MAPK10: variants seen among roughly 807,000 people sequenced by gnomAD.
MAPK10 encodes JNK3 alpha protein kinase.
MAPK10 carries 25 observed loss-of-function variants against 59.3 expected under a neutral mutation model. That is an observed-to-expected ratio of 0.42 (90% CI 0.31 to 0.59). MAPK10 has a LOEUF of 0.59. Among genes scored for constraint, MAPK10 ranks in the 20% least tolerant of loss-of-function variants. MAPK10 has a pLI of 0.15. For missense variants in MAPK10, 351 were observed against 568.9 expected, an observed-to-expected ratio of 0.62 and a Z score of 3.90; for synonymous variants, 190 against 200.5, an observed-to-expected ratio of 0.95 and a Z score of 0.44.
intron 13 of MAPK10, chr4:86,026,580 A>G (rs1211423001): frequency 6.6e-6 from 1 of 152,218 alleles, no homozygotes; most frequent in Non-Finnish European, 1.5e-5. Flanking sequence ...AAAGCATCGC[A>G]TAACATGGGT....
At chr4:86,545,593 T>C (rs1759085618) in intron 1 of MAPK10, among the ~76,000 whole-genome samples, 2 of 152,120 alleles carry the variant, frequency 1.3e-5, no homozygotes, top group Non-Finnish European at 2.9e-5. Context: ...ACAATATACA[T>C]GTGTATTGTA....
intron 1 of MAPK10, among the ~76,000 whole-genome samples, chr4:86,477,984 A>G (rs752698938): frequency 7.2e-5 from 11 of 152,174 alleles, no homozygotes; most frequent in Non-Finnish European, 1.2e-4. Context: ...ACTTCAGTCA[A>G]GCCCAAATTT....
At chr4:86,362,910 C>A (rs1737240528), upstream of MAPK10, among the ~76,000 whole-genome samples, 1 of 152,046 alleles carries the variant, frequency 6.6e-6, no homozygotes, top group East Asian at 1.9e-4. Flanking sequence ...AACCTACACC[C>A]AAAGTATGGC....
chr4:86,321,703 T>G (rs2095897156), intron 2 of MAPK10: 1 of 151,790 alleles, frequency 6.6e-6, no homozygotes, highest in African/African-American at 2.4e-5. Context: ...ACCTGCACAT[T>G]GTGCACATGT....
intron 1 of MAPK10, among the ~76,000 whole-genome samples, chr4:86,384,590 G>A (rs950515243): frequency 1.3e-5 from 2 of 152,146 alleles, no homozygotes; most frequent in African/African-American, 4.8e-5. Context: ...TGGAGGCAAG[G>A]ACACAAATTA....
intron 1 of MAPK10, among the ~76,000 whole-genome samples, chr4:86,522,350 G>T (rs1757171675): frequency 6.6e-6 from 1 of 152,194 alleles, no homozygotes; most frequent in African/African-American, 2.4e-5. Flanking sequence ...GTATAAGCTT[G>T]TTAAATGAAT....
intron 1 of MAPK10, among the ~76,000 whole-genome samples, chr4:86,502,083 G>A (rs1755371970): frequency 6.6e-6 from 1 of 152,020 alleles, no homozygotes; most frequent in Non-Finnish European, 1.5e-5. Flanking sequence ...ACCAGTTCAA[G>A]TATAAAGTCA....
rs141049478 is a variant in MAPK10 at position 86,412,509 on chromosome 4, C to T, written c.-122+40521G>A. Among the ~76,000 whole-genome samples the T allele has an allele frequency of 9.8e-3, 1,493 of 152,254 alleles. 18 individuals are homozygous for T. Among genetic ancestry groups the T allele is most frequent in the African/African-American group, 0.034 (1,413 of 41,544 alleles). On this transcript the variant is annotated intron_variant, in intron 1 of 13. Coordinates refer to the MAPK10 transcript ENST00000361569. ...CTGAAGAGTGTTTTCTAACTTGGTT[C>T]CATTCTCCCTGTCACTTTCTGGTAC...
At chr4:86,420,444 G>A (rs946724058) in intron 1 of MAPK10, among the ~76,000 whole-genome samples, 11 of 152,110 alleles carry the variant, frequency 7.2e-5, no homozygotes, top group Admixed American at 5.9e-4. Context: ...AAGGAATAAC[G>A]GTAACCCAAT....
intron 2 of MAPK10, chr4:86,277,138 T>C (rs1325692570): frequency 7.4e-6 from 1 of 134,310 alleles, no homozygotes; most frequent in Admixed American, 7.3e-5. Context: ...TGTGACCATC[T>C]TTTTTTTTTT....
chr4:86,167,830 C>T (rs1008998963), intron 3 of MAPK10, among the ~76,000 whole-genome samples: 1 of 152,152 alleles, frequency 6.6e-6, no homozygotes, highest in Non-Finnish European at 1.5e-5. Flanking sequence ...GACAAGGATG[C>T]CCTCTATCAC....
intron 2 of MAPK10, among the ~76,000 whole-genome samples, chr4:86,282,900 G>T (rs1454450385): frequency 6.6e-6 from 1 of 151,966 alleles, no homozygotes; most frequent in Admixed American, 6.6e-5. Flanking sequence ...AGACACAAGA[G>T]GTTTTATTTT....
At chr4:86,511,598 G>A (rs1428115430) in intron 1 of MAPK10, among the ~76,000 whole-genome samples, 1 of 149,876 alleles carries the variant, frequency 6.7e-6, no homozygotes, top group South Asian at 2.1e-4. Context: ...GAAAGAAGAA[G>A]GAAGAAGAAT....
chr4:86,256,512 T>A (rs949163634), intron 2 of MAPK10, among the ~76,000 whole-genome samples: 1 of 151,952 alleles, frequency 6.6e-6, no homozygotes, highest in Non-Finnish European at 1.5e-5. Flanking sequence ...AGAAAAAAAA[T>A]TTTCAGATCT....
chr4:86,098,909 G>T, intron 8 of MAPK10: 2 of 247,780 alleles, frequency 8.1e-6, no homozygotes, highest in South Asian at 1.6e-4. Flanking sequence ...TATCTCCATG[G>T]CAGGTGACAG....
At chr4:86,329,474 T>C (rs111621260) in intron 2 of MAPK10, among the ~76,000 whole-genome samples, 149 of 152,314 alleles carry the variant, frequency 9.8e-4, no homozygotes, top group African/African-American at 3.4e-3. Context: ...TATTTAAGGA[T>C]GCAGCCATCA....
At chr4:86,540,029 G>GT (rs1565007296) in intron 1 of MAPK10, among the ~76,000 whole-genome samples, 1 of 152,176 alleles carries the variant, frequency 6.6e-6, no homozygotes, top group African/African-American at 2.4e-5. Flanking sequence ...TAACCAAAGG[G>GT]TTTTTTCCTT....
At chr4:86,253,167 C>T (rs1395944970) in intron 2 of MAPK10, among the ~76,000 whole-genome samples, 12 of 27,046 alleles carry the variant, frequency 4.4e-4, no homozygotes, top group East Asian at 2.4e-3. Flanking sequence ...CCCTTTATTT[C>T]CTTCTCCTGC....
intron 1 of MAPK10, among the ~76,000 whole-genome samples, chr4:86,508,575 A>G (rs1755974590): frequency 6.6e-6 from 1 of 152,032 alleles, no homozygotes; most frequent in Non-Finnish European, 1.5e-5. Flanking sequence ...ATTTTGTTTG[A>G]TCTGCATGGC....
Sources: allele counts gnomAD v4.1 joint callset (sites outside exome capture counted in the v4.1 genomes callset), GRCh38; gene constraint gnomAD v4.1.1; transcripts MANE v1.5; gene names NCBI Gene and HGNC (gene_info 2026-07-23, HGNC 2026-07-21).